RNGTT: variants seen among roughly 807,000 people sequenced by gnomAD.
RNGTT encodes mRNA-capping enzyme.
Under a neutral mutation model 79.3 loss-of-function variants are expected in RNGTT, and 33 were observed. The ratio of observed to expected loss-of-function variants is 0.42; its 90% CI spans 0.32 to 0.56. The LOEUF is 0.56. Among genes scored for constraint, RNGTT ranks in the 20% least tolerant of loss-of-function variants. RNGTT has a pLI of 0.17. For synonymous variants in RNGTT, 222 were observed against 235.9 expected, an observed-to-expected ratio of 0.94 and a Z score of 0.54; for missense variants, 497 against 739.1, an observed-to-expected ratio of 0.67 and a Z score of 3.80.
intron 14 of RNGTT, among the ~76,000 whole-genome samples, chr6:88,656,121 C>T (rs960653010): frequency 3.3e-5 from 5 of 152,152 alleles, no homozygotes; most frequent in African/African-American, 1.2e-4. Flanking sequence ...CCCCAATCCT[C>T]ACATAAAGGA....
intron 11 of RNGTT, among the ~76,000 whole-genome samples, chr6:88,838,223 C>T (rs78139265): frequency 0.021 from 3,155 of 152,232 alleles, 122 homozygotes; most frequent in African/African-American, 0.07. Context: ...AGGCTGTTCA[C>T]TCTCACTGCT....
At chr6:88,901,327 T>C (rs1252934537) in intron 6 of RNGTT, among the ~76,000 whole-genome samples, 1 of 151,496 alleles carries the variant, frequency 6.6e-6, no homozygotes, top group Non-Finnish European at 1.5e-5. Context: ...GCAGGATAAA[T>C]ACAAAGAAAA....
chr6:88,834,620 A>G (rs1781000889), intron 11 of RNGTT, among the ~76,000 whole-genome samples: 2 of 152,298 alleles, frequency 1.3e-5, no homozygotes, highest in East Asian at 3.9e-4. Flanking sequence ...CTTCTCTTCA[A>G]CCACAGTTGC....
chr6:88,676,493 A>G (rs1247227518), intron 14 of RNGTT, among the ~76,000 whole-genome samples: 1 of 152,230 alleles, frequency 6.6e-6, no homozygotes, highest in Admixed American at 6.5e-5. Flanking sequence ...AGCAGAATAC[A>G]TACGAGAAAA....
chr6:88,632,538 C>T (rs1772934904), intron 14 of RNGTT, among the ~76,000 whole-genome samples: 1 of 96,346 alleles, frequency 1.0e-5, no homozygotes, highest in Non-Finnish European at 2.0e-5. Flanking sequence ...GACACACAGA[C>T]ACACAGACAC....
chr6:88,937,884 T>G (rs1010214930), intron 2 of RNGTT, among the ~76,000 whole-genome samples: 1 of 152,220 alleles, frequency 6.6e-6, no homozygotes, highest in Non-Finnish European at 1.5e-5. Flanking sequence ...TTTCTACCAT[T>G]GTGGTCTAAG....
chr6:88,717,211 A>G (rs1776548725), intron 13 of RNGTT, among the ~76,000 whole-genome samples: 1 of 152,224 alleles, frequency 6.6e-6, no homozygotes, highest in Non-Finnish European at 1.5e-5. Flanking sequence ...TCATGTAACA[A>G]TCCTAAAAGA....
chr6:88,826,798 A>AT (rs1562272379), intron 11 of RNGTT, among the ~76,000 whole-genome samples: 2,695 of 122,644 alleles, frequency 0.022, 115 homozygotes, highest in African/African-American at 0.085. Flanking sequence ...GAAAAAAAAA[A>AT]AATATATATA....
intron 12 of RNGTT, among the ~76,000 whole-genome samples, chr6:88,800,300 T>C (rs976223101): frequency 9.9e-5 from 15 of 152,206 alleles, no homozygotes; most frequent in Admixed American, 7.9e-4. Flanking sequence ...AATACAAAAA[T>C]CCAAAATGCT....
At chr6:88,877,659 G>A (rs1022553809) in intron 8 of RNGTT, among the ~76,000 whole-genome samples, 2 of 152,026 alleles carry the variant, frequency 1.3e-5, no homozygotes, top group Admixed American at 1.3e-4. Flanking sequence ...TCATATAGGG[G>A]GACTTAAAGA....
At chr6:88,796,183 C>T (rs1008638413) in intron 12 of RNGTT, among the ~76,000 whole-genome samples, 3 of 151,944 alleles carry the variant, frequency 2.0e-5, no homozygotes, top group African/African-American at 7.3e-5. Context: ...TTGATATAGT[C>T]GTTTAAGTAA....
intron 11 of RNGTT, among the ~76,000 whole-genome samples, chr6:88,838,464 G>A (rs895891261): frequency 2.0e-5 from 3 of 152,022 alleles, no homozygotes; most frequent in Non-Finnish European, 4.4e-5. Flanking sequence ...GGGGAAAAAA[G>A]TATATTTCTA....
At chr6:88,777,432 G>A (rs771480733) in intron 12 of RNGTT, among the ~76,000 whole-genome samples, 1 of 152,032 alleles carries the variant, frequency 6.6e-6, no homozygotes, top group African/African-American at 2.4e-5. Context: ...TATCACTTTG[G>A]GTAGTATGGA....
At chr6:88,681,519 T>C (rs1414197443) in intron 13 of RNGTT, among the ~76,000 whole-genome samples, 1 of 152,210 alleles carries the variant, frequency 6.6e-6, no homozygotes, top group Non-Finnish European at 1.5e-5. Context: ...AGATAATACT[T>C]TGAGAACACA....
At chr6:88,718,801 C>A (rs1407072889) in intron 13 of RNGTT, among the ~76,000 whole-genome samples, 1 of 152,048 alleles carries the variant, frequency 6.6e-6, no homozygotes, top group East Asian at 1.9e-4. Flanking sequence ...AATAAATGAA[C>A]CACAGCGAAG....
At chr6:88,893,742 G>A (rs141680225) in intron 6 of RNGTT, among the ~76,000 whole-genome samples, 43 of 152,040 alleles carry the variant, frequency 2.8e-4, no homozygotes, top group African/African-American at 9.4e-4. Flanking sequence ...TTCCTACCAT[G>A]CATCAACTTC....
In RNGTT at chr6:88,841,645, G is replaced by C. The variant is rs1781292418; in HGVS notation, c.1269+2712C>G. Among the ~76,000 whole-genome samples, 3 of 152,244 alleles carry C rather than the reference G, an allele frequency of 2.0e-5. No individual in the cohort carries two copies. The South Asian group carries it at 6.2e-4, about 32-fold the overall frequency. On this transcript the variant is annotated intron_variant, in intron 11 of 15. Coordinates refer to ENST00000369485, the MANE Select transcript of RNGTT (RefSeq NM_003800.5). ...AAATCCCACCACAATGCAACTTCTT[G>C]GATGCCACGTGCAATTTTAATGTAA...
At position 88,663,419 on chromosome 6, in the gene RNGTT, T is replaced by A. The variant is rs551399184; in HGVS notation, c.1506+14934A>T. 2.2e-4 allele frequency among the ~76,000 whole-genome samples: 34 copies of A among 152,272 alleles called. 1 individual carries two copies. Among genetic ancestry groups the A allele is most frequent in the African/African-American group, 7.7e-4 (32 of 41,538 alleles). ...GATAAATCAGGACACCCAGACCAGTTACCATACATAGATACTTGGTTGCAG... is the reference window on the plus strand; with the variant it reads ...GATAAATCAGGACACCCAGACCAGTAACCATACATAGATACTTGGTTGCAG... On this transcript the variant is annotated intron_variant, in intron 14 of 15. Coordinates refer to ENST00000369485, the MANE Select transcript of RNGTT (RefSeq NM_003800.5).
intron 11 of RNGTT, among the ~76,000 whole-genome samples, chr6:88,817,731 T>C (rs928058312): frequency 7.1e-6 from 1 of 141,168 alleles, no homozygotes; most frequent in African/African-American, 2.6e-5. Flanking sequence ...GCCTTCACCA[T>C]CCAAGTCTAT....
Sources: gnomAD v4.1 joint callset for allele counts (sites outside exome capture counted in the v4.1 genomes callset) on GRCh38, gnomAD v4.1.1 for gene constraint, MANE v1.5 for transcripts, NCBI Gene and HGNC (gene_info 2026-07-23, HGNC 2026-07-21) for gene names.